SLC9A9: variants seen among roughly 807,000 people sequenced by gnomAD.
SLC9A9 encodes the protein sodium/hydrogen exchanger 9.
Under a neutral mutation model 77.8 loss-of-function variants are expected in SLC9A9, and 62 were observed. That is an observed-to-expected ratio of 0.80 (90% confidence interval 0.65 to 0.98). The LOEUF (loss-of-function observed/expected upper bound fraction) is 0.98. Ranked by LOEUF, SLC9A9 falls within the 50% of genes least tolerant of loss-of-function variation. The pLI is 0.00. For missense variants in SLC9A9, 775 were observed against 774.9 expected (o/e 1.00, Z 0.00); for synonymous variants, 320 against 283.5 (o/e 1.13, Z -1.29).
chr3:143,410,946 T>C (rs2034085045), intron 12 of SLC9A9, among the ~76,000 whole-genome samples: 1 of 152,202 alleles, frequency 6.6e-6, no homozygotes, highest in Non-Finnish European at 1.5e-5. Flanking sequence ...TTAAACCTTT[T>C]TTGGTAATCA....
chr3:143,551,312 G>A (rs1435718708), intron 9 of SLC9A9, among the ~76,000 whole-genome samples: 2 of 152,162 alleles, frequency 1.3e-5, no homozygotes, highest in Non-Finnish European at 2.9e-5. Flanking sequence ...TTCCCGTTAT[G>A]TAAGCCACTC....
At chr3:143,723,297 CA>C (rs1446231107) in intron 4 of SLC9A9, among the ~76,000 whole-genome samples, 2 of 152,012 alleles carry the variant, frequency 1.3e-5, no homozygotes, top group Non-Finnish European at 2.9e-5. Flanking sequence ...TTCTGAAAAG[CA>C]AGGTCAAGAC....
chr3:143,832,255 G>A, intron 1 of SLC9A9, 34 bp from the exon 2 acceptor site: 2 of 1,570,168 alleles, frequency 1.3e-6, no homozygotes, highest in Non-Finnish European at 1.7e-6. Flanking sequence ...GGTACTGGAG[G>A]AAGGCAATCT....
chr3:143,619,056 C>T (rs79868814), intron 6 of SLC9A9, among the ~76,000 whole-genome samples: 13 of 152,142 alleles, frequency 8.5e-5, no homozygotes, highest in Admixed American at 6.5e-5. Context: ...CTTTAGCAAC[C>T]TACACACCTC....
chr3:143,558,143 C>T (rs1274768756), intron 8 of SLC9A9, among the ~76,000 whole-genome samples: 2 of 152,144 alleles, frequency 1.3e-5, no homozygotes, highest in South Asian at 4.1e-4. Flanking sequence ...CCTGTGGGTA[C>T]ATAGAAGTTA....
At chr3:143,697,201 G>T (rs574173035) in intron 4 of SLC9A9, among the ~76,000 whole-genome samples, 96 of 151,752 alleles carry the variant, frequency 6.3e-4, no homozygotes, top group African/African-American at 2.1e-3. Flanking sequence ...AAAGTATACT[G>T]GGCATGGAAA....
intron 6 of SLC9A9, among the ~76,000 whole-genome samples, chr3:143,613,507 C>T (rs1379235699): frequency 6.6e-6 from 1 of 152,206 alleles, no homozygotes; most frequent in Non-Finnish European, 1.5e-5. Flanking sequence ...GTAGTATTAA[C>T]TAGTAGTAAG....
chr3:143,728,446 G>A (rs1020490681), intron 4 of SLC9A9, among the ~76,000 whole-genome samples: 1 of 152,202 alleles, frequency 6.6e-6, no homozygotes, highest in African/African-American at 2.4e-5. Context: ...CATCTTCTGG[G>A]ATCTGAAAGG....
At chr3:143,634,233 C>T (rs1231001093) in intron 6 of SLC9A9, among the ~76,000 whole-genome samples, 1 of 151,872 alleles carries the variant, frequency 6.6e-6, no homozygotes, top group African/African-American at 2.4e-5. Flanking sequence ...CTAGTGGGTC[C>T]TTTATGTCTA....
chr3:143,705,465 T>C (rs1321699210), intron 4 of SLC9A9, among the ~76,000 whole-genome samples: 1 of 152,206 alleles, frequency 6.6e-6, no homozygotes, highest in Non-Finnish European at 1.5e-5. Flanking sequence ...TTGGATTATT[T>C]GTAACACAAA....
At chr3:143,693,164 G>A in intron 5 of SLC9A9, 28 bp downstream of exon 5, 1 of 1,531,524 alleles carries the variant, frequency 6.5e-7, no homozygotes, top group Non-Finnish European at 9.0e-7. Flanking sequence ...ATTCTTAAAA[G>A]AAGAAAATAT....
intron 12 of SLC9A9, among the ~76,000 whole-genome samples, chr3:143,406,357 T>G (rs753679499): frequency 6.6e-6 from 1 of 152,010 alleles, no homozygotes; most frequent in African/African-American, 2.4e-5. Context: ...CATTATAGGA[T>G]CACTAAGATT....
At chr3:143,751,798 G>A (rs1396570117) in intron 4 of SLC9A9, among the ~76,000 whole-genome samples, 3 of 152,234 alleles carry the variant, frequency 2.0e-5, no homozygotes, top group African/African-American at 7.2e-5. Flanking sequence ...CTGAAAGGAA[G>A]TGAAAGAAAG....
chr3:143,500,194 T>G (rs1179549541), intron 9 of SLC9A9, among the ~76,000 whole-genome samples: 1 of 152,192 alleles, frequency 6.6e-6, no homozygotes, highest in Admixed American at 6.5e-5. Flanking sequence ...TATTTACTTT[T>G]GGATCAGTTT....
At chr3:143,692,250 G>A (rs1933493341) in intron 5 of SLC9A9, among the ~76,000 whole-genome samples, 2 of 151,996 alleles carry the variant, frequency 1.3e-5, no homozygotes, top group African/African-American at 4.8e-5. Flanking sequence ...TCAATCCATT[G>A]TAATATGCTG....
intron 4 of SLC9A9, among the ~76,000 whole-genome samples, chr3:143,696,649 G>A (rs920829781): frequency 6.6e-6 from 1 of 152,018 alleles, no homozygotes; most frequent in African/African-American, 2.4e-5. Flanking sequence ...AATTGGTTCT[G>A]GAATCAATAT....
chr3:143,679,545 C>G (rs780022480), intron 5 of SLC9A9, among the ~76,000 whole-genome samples: 11 of 152,216 alleles, frequency 7.2e-5, no homozygotes. Context: ...CTCTACCCGT[C>G]CAATGCCAGT....
intron 14 of SLC9A9, among the ~76,000 whole-genome samples, chr3:143,269,993 G>C (rs140763852): frequency 6.6e-6 from 1 of 152,192 alleles, no homozygotes; most frequent in Non-Finnish European, 1.5e-5. Flanking sequence ...GGAAGATGCA[G>C]CCCAGTGGAG....
chr3:143,473,006 GT>G (rs35078461), intron 11 of SLC9A9, among the ~76,000 whole-genome samples: 76,693 of 146,268 alleles, frequency 0.52, 19,993 homozygotes, highest in Non-Finnish European at 0.57. Context: ...CTAGACTTGT[GT>G]TTTTTTTTTT....
Sources: gnomAD v4.1 joint callset for allele counts (sites outside exome capture counted in the v4.1 genomes callset) on GRCh38, gnomAD v4.1.1 for gene constraint, MANE v1.5 for transcripts, NCBI Gene and HGNC (gene_info 2026-07-23, HGNC 2026-07-21) for gene names.